Variants in NTN4 observed in about 807,000 individuals in gnomAD.
The protein encoded by NTN4 is netrin 4.
Under a neutral mutation model 73.6 loss-of-function variants are expected in NTN4, and 32 were observed. That is an observed-to-expected ratio of 0.44 (90% CI 0.33 to 0.58). NTN4 has a LOEUF of 0.58. Among genes scored for constraint, NTN4 ranks in the 20% least tolerant of loss-of-function variants. NTN4 has a pLI of 0.04. For missense variants in NTN4, 654 were observed against 798.3 expected, an observed-to-expected ratio of 0.82 and a Z score of 2.18; for synonymous variants, 258 against 287.5, an observed-to-expected ratio of 0.90 and a Z score of 1.04.
intron 2 of NTN4, among the ~76,000 whole-genome samples, chr12:95,761,670 A>T (rs952100765): frequency 8.5e-5 from 13 of 152,282 alleles, no homozygotes; most frequent in Admixed American, 2.0e-4. Context: ...GCGTCAAAAG[A>T]CATTAGAAGA....
rs1565901338 is a variant in NTN4, at chr12:95,735,940, TA to T, written c.864+1925del. Among the ~76,000 whole-genome samples, 494 of 149,706 alleles carry T rather than the reference TA, an allele frequency of 3.3e-3. 2 individuals are homozygous for T. Among genetic ancestry groups the T allele is most frequent in the African/African-American group, 0.012 (471 of 40,770 alleles). ...TTATTTATTTATTTATTTATTTATT[TA>T]TTTATTTATTTTTTTGAGACAGAGT... On this transcript the variant is annotated intron_variant, in intron 3 of 9. Transcript: ENST00000343702.
At chr12:95,726,312 C>T (rs2078693749) in intron 3 of NTN4, among the ~76,000 whole-genome samples, 2 of 152,114 alleles carry the variant, frequency 1.3e-5, no homozygotes, top group Non-Finnish European at 2.9e-5. Flanking sequence ...AATCACCAAC[C>T]TATTTTATCT....
intron 3 of NTN4, among the ~76,000 whole-genome samples, chr12:95,728,745 C>A (rs1055125484): frequency 6.6e-6 from 1 of 152,106 alleles, no homozygotes; most frequent in African/African-American, 2.4e-5. Flanking sequence ...GGATCTGTGT[C>A]CCCATCCAAA....
At chr12:95,685,091 C>G (rs559339167) in intron 5 of NTN4, among the ~76,000 whole-genome samples, 36 of 152,256 alleles carry the variant, frequency 2.4e-4, no homozygotes, top group Non-Finnish European at 4.9e-4. Flanking sequence ...GGTCCAAACA[C>G]CTGGACTCAA....
intron 5 of NTN4, among the ~76,000 whole-genome samples, chr12:95,687,281 T>C (rs900314846): frequency 7.2e-5 from 11 of 152,250 alleles, no homozygotes; most frequent in Non-Finnish European, 1.5e-4. Context: ...TTTTTAAGTA[T>C]TTCTGAGTTT....
At chr12:95,761,622 C>T (rs201515945) in intron 2 of NTN4, among the ~76,000 whole-genome samples, 2 of 152,028 alleles carry the variant, frequency 1.3e-5, no homozygotes, top group African/African-American at 4.8e-5. Context: ...CGTGAGCCAC[C>T]GTGCCCAGCC....
chr12:95,720,655 C>T (rs986670999), intron 3 of NTN4, among the ~76,000 whole-genome samples: 11 of 151,992 alleles, frequency 7.2e-5, no homozygotes, highest in Non-Finnish European at 1.3e-4. Context: ...GAAGTGGGAA[C>T]GAGATAATTT....
chr12:95,739,591 C>T (rs747525996), intron 2 of NTN4, among the ~76,000 whole-genome samples: 7 of 152,310 alleles, frequency 4.6e-5, no homozygotes, highest in African/African-American at 1.2e-4. Context: ...TGATTCTCAA[C>T]GTGACCTCCA....
chr12:95,722,098 G>C (rs1001777419), intron 3 of NTN4, among the ~76,000 whole-genome samples: 4 of 144,992 alleles, frequency 2.8e-5, no homozygotes, highest in Non-Finnish European at 6.0e-5. Flanking sequence ...TAGTATTACA[G>C]CTAGAACTAA....
At chr12:95,687,501 A>G (rs2078370856) in intron 5 of NTN4, among the ~76,000 whole-genome samples, 1 of 151,598 alleles carries the variant, frequency 6.6e-6, no homozygotes. Context: ...CCCGGGTTCA[A>G]TCTATTCTCC....
chr12:95,713,885 C>T (rs2121094879), intron 3 of NTN4, among the ~76,000 whole-genome samples: 1 of 152,062 alleles, frequency 6.6e-6, no homozygotes, highest in East Asian at 1.9e-4. Context: ...TATCTGACCA[C>T]CTATTTTATT....
At chr12:95,785,439 G>C (rs529240560) in intron 2 of NTN4, among the ~76,000 whole-genome samples, 116 of 152,316 alleles carry the variant, frequency 7.6e-4, no homozygotes, top group African/African-American at 2.7e-3. Flanking sequence ...TTGCAAATGG[G>C]CTTACAATAT....
At chr12:95,742,959 T>A (rs1010545282) in intron 2 of NTN4, among the ~76,000 whole-genome samples, 3 of 152,270 alleles carry the variant, frequency 2.0e-5, no homozygotes, top group African/African-American at 7.2e-5. Flanking sequence ...GCACTCTTGA[T>A]GAGAACGATG....
chr12:95,680,891 T>G (rs913400990), intron 7 of NTN4, among the ~76,000 whole-genome samples: 3 of 151,954 alleles, frequency 2.0e-5, no homozygotes, highest in Non-Finnish European at 2.9e-5. Context: ...CAAAAACATT[T>G]TAAAAGAGTA....
intron 3 of NTN4, among the ~76,000 whole-genome samples, chr12:95,726,239 A>G (rs1565897949): frequency 6.6e-6 from 1 of 152,108 alleles, no homozygotes; most frequent in African/African-American, 2.4e-5. Flanking sequence ...CACCACTCCA[A>G]AAAGAAATCT....
At chr12:95,776,261 C>G (rs913817218) in intron 2 of NTN4, among the ~76,000 whole-genome samples, 4 of 152,232 alleles carry the variant, frequency 2.6e-5, no homozygotes, top group Non-Finnish European at 5.9e-5. Context: ...CACCTCTCCT[C>G]CTCCAAAGGA....
chr12:95,743,307 T>A (rs371683604), intron 2 of NTN4, among the ~76,000 whole-genome samples: 1 of 152,216 alleles, frequency 6.6e-6, no homozygotes, highest in African/African-American at 2.4e-5. Context: ...CATTGGTTTC[T>A]GCTTTTATCT....
chr12:95,735,543 G>A (rs1226912131), intron 3 of NTN4, among the ~76,000 whole-genome samples: 1 of 152,198 alleles, frequency 6.6e-6, no homozygotes, highest in African/African-American at 2.4e-5. Context: ...GTAAGAAAAT[G>A]AGGTTTCCGT....
In NTN4 at chr12:95,678,317, C is replaced by T. The variant is rs993642458; in HGVS notation, c.1510+4390G>A. ...CATGTATACCTATGTAACAAACCTGCACACTCTGCACATGTATCCTAGAAC... is the reference window on the plus strand; with the variant it reads ...CATGTATACCTATGTAACAAACCTGTACACTCTGCACATGTATCCTAGAAC... On this transcript the variant is annotated intron_variant, in intron 7 of 9. Transcript: ENST00000343702. Among the ~76,000 whole-genome samples the T allele has an allele frequency of 2.0e-5, 3 of 147,124 alleles. No homozygotes were observed. In the Admixed American group the frequency reaches 2.1e-4, roughly 10 times the overall value.
Sources: allele counts gnomAD v4.1 joint callset (sites outside exome capture counted in the v4.1 genomes callset), GRCh38; gene constraint gnomAD v4.1.1; transcripts MANE v1.5; gene names NCBI Gene and HGNC (gene_info 2026-07-23, HGNC 2026-07-21).